The following ATP8A2 variants were observed in gnomAD, a reference collection of about 807,000 sequenced individuals.
ATP8A2 encodes the protein ATPase phospholipid transporting 8A2.
ATP8A2 carries 100 observed loss-of-function variants against 165.6 expected under a neutral mutation model. The observed-to-expected ratio is 0.60, with a 90% CI of 0.51 to 0.71. The LOEUF (loss-of-function observed/expected upper bound fraction) is 0.71, where lower values mean the gene tolerates loss of function less well. Among genes scored for constraint, ATP8A2 ranks in the 30% least tolerant of loss-of-function variants. The pLI, the probability that ATP8A2 is intolerant of heterozygous loss-of-function variation, is 0.00. For synonymous variants in ATP8A2, 543 were observed against 548.8 expected (o/e 0.99, Z 0.15); for missense variants, 1,227 against 1,479.5 (o/e 0.83, Z 2.80).
At chr13:25,505,216 G>A (rs1408358647) in intron 2 of ATP8A2, among the ~76,000 whole-genome samples, 4 of 149,738 alleles carry the variant, frequency 2.7e-5, no homozygotes, top group African/African-American at 9.9e-5. Flanking sequence ...GGGGGGTGGT[G>A]GTCACAACTC....
At position 25,434,112 on chromosome 13, in the gene ATP8A2, A is replaced by G. The variant is rs142176450; in HGVS notation, c.77-34865A>G. On this transcript the variant is annotated intron_variant, in intron 1 of 36. Coordinates refer to ENST00000381655, the MANE Select transcript of ATP8A2 (RefSeq NM_016529.6). ...GACAAGCACATGTACCCCCGAATGT[A>G]AAAAAGAAGAAATCTCGCGCTTGTT... 3.3e-5 allele frequency among the ~76,000 whole-genome samples: 5 copies of G among 152,276 alleles called. No homozygotes were observed. The East Asian group carries it at 7.7e-4, about 24-fold the overall frequency.
rs1468874241 is a variant in ATP8A2, at chr13:25,592,719, C to CT, written c.2211+3022dup. ...CTCAGAAATGAGCCTCTGTTTTCCC[C>CT]TTATATCAGATGTTTTCTGGAGTCC... On this transcript the variant is annotated intron_variant, in intron 24 of 36. Transcript: ENST00000381655. Among the ~76,000 whole-genome samples, 11 of 152,182 alleles carry CT rather than the reference C, an allele frequency of 7.2e-5. No homozygotes were observed. In the East Asian group the frequency reaches 2.1e-3, roughly 29 times the overall value.
At chr13:25,562,574 C>G (rs1164060442) in intron 15 of ATP8A2, among the ~76,000 whole-genome samples, 1 of 152,308 alleles carries the variant, frequency 6.6e-6, no homozygotes, top group African/African-American at 2.4e-5. Context: ...GTTCAGCTTT[C>G]TTTTCATAAA....
At chr13:25,474,410 A>C (rs2035934837) in intron 2 of ATP8A2, among the ~76,000 whole-genome samples, 1 of 151,976 alleles carries the variant, frequency 6.6e-6, no homozygotes, top group Admixed American at 6.6e-5. Context: ...AAATACAAAA[A>C]AATTAGCTGG....
intron 35 of ATP8A2, among the ~76,000 whole-genome samples, chr13:26,004,912 A>G (rs569633343): frequency 6.7e-6 from 1 of 148,204 alleles, no homozygotes; most frequent in African/African-American, 2.5e-5. Flanking sequence ...GGATTTTTGT[A>G]TATATAGTCA....
intron 24 of ATP8A2, among the ~76,000 whole-genome samples, chr13:25,653,609 GTTAAA>G (rs1237526879): frequency 2.0e-5 from 3 of 152,160 alleles, no homozygotes; most frequent in Non-Finnish European, 4.4e-5. Context: ...TAAAATAAAA[GTTAAA>G]TTAAAAACAA....
intron 10 of ATP8A2, among the ~76,000 whole-genome samples, chr13:25,550,905 G>C (rs1044400548): frequency 2.0e-5 from 3 of 152,128 alleles, no homozygotes; most frequent in Non-Finnish European, 4.4e-5. Flanking sequence ...AAATATCTCT[G>C]TGTATTTATT....
At chr13:25,936,446 A>G (rs1312836241) in intron 33 of ATP8A2, among the ~76,000 whole-genome samples, 2 of 152,224 alleles carry the variant, frequency 1.3e-5, no homozygotes, top group Admixed American at 6.5e-5. Flanking sequence ...ATAAGCCTCA[A>G]TGGGCCTGCG....
At chr13:25,636,405 C>T (rs750257729) in intron 24 of ATP8A2, among the ~76,000 whole-genome samples, 2 of 152,120 alleles carry the variant, frequency 1.3e-5, no homozygotes, top group Non-Finnish European at 2.9e-5. Context: ...GGGGTATCCT[C>T]GGGATAGAAT....
At chr13:25,839,467 A>C in intron 29 of ATP8A2, 79 bp from the exon 30 acceptor site, 2 of 964,234 alleles carry the variant, frequency 2.1e-6, no homozygotes, top group Non-Finnish European at 3.4e-6. Flanking sequence ...GATCCTTCAC[A>C]ATGTGGCGTT....
intron 1 of ATP8A2, among the ~76,000 whole-genome samples, chr13:25,429,371 TA>T (rs751056483): frequency 0.026 from 3,296 of 125,542 alleles, 150 homozygotes; most frequent in African/African-American, 0.089. Flanking sequence ...GACTCCATCT[TA>T]AAAAAAAAAA....
At chr13:25,888,707 A>G (rs908381576) in intron 33 of ATP8A2, among the ~76,000 whole-genome samples, 18 of 152,230 alleles carry the variant, frequency 1.2e-4, no homozygotes, top group Admixed American at 2.6e-4. Flanking sequence ...TAAAAATTCA[A>G]AATTAGCCAA....
At chr13:25,620,786 G>A (rs760319790) in intron 24 of ATP8A2, among the ~76,000 whole-genome samples, 3 of 152,162 alleles carry the variant, frequency 2.0e-5, no homozygotes, top group Non-Finnish European at 2.9e-5. Flanking sequence ...TGAACAAAAT[G>A]TTAGAAATAG....
intron 30 of ATP8A2, among the ~76,000 whole-genome samples, chr13:25,847,791 G>A (rs891076541): frequency 4.6e-5 from 7 of 152,130 alleles, no homozygotes; most frequent in Non-Finnish European, 1.0e-4. Flanking sequence ...GCTAATTCCT[G>A]AAGTTAGCAA....
chr13:25,599,086 G>T (rs2040312869), intron 24 of ATP8A2, among the ~76,000 whole-genome samples: 1 of 151,634 alleles, frequency 6.6e-6, no homozygotes, highest in Non-Finnish European at 1.5e-5. Context: ...ATATATATGA[G>T]AAAAAATATA....
intron 30 of ATP8A2, among the ~76,000 whole-genome samples, chr13:25,850,194 C>T (rs1007435403): frequency 6.6e-6 from 1 of 152,208 alleles, no homozygotes; most frequent in Non-Finnish European, 1.5e-5. Context: ...GCCTTCTTAG[C>T]TTTCTCCTTG....
chr13:25,772,962 G>T (rs187231107), intron 26 of ATP8A2, among the ~76,000 whole-genome samples: 5 of 152,110 alleles, frequency 3.3e-5, no homozygotes, highest in Non-Finnish European at 7.4e-5. Flanking sequence ...GTTTCACCAC[G>T]TTGGCCAGAC....
chr13:25,879,916 T>G (rs756064512), intron 33 of ATP8A2, among the ~76,000 whole-genome samples: 3 of 152,196 alleles, frequency 2.0e-5, no homozygotes, highest in Non-Finnish European at 4.4e-5. Context: ...TTGATTAAGT[T>G]TAAGAAATTA....
At chr13:25,444,288 C>A (rs2035012560) in intron 1 of ATP8A2, among the ~76,000 whole-genome samples, 1 of 152,286 alleles carries the variant, frequency 6.6e-6, no homozygotes, top group African/African-American at 2.4e-5. Flanking sequence ...ACCTGTTTAT[C>A]CATTTCCCTG....
Sources: gnomAD v4.1 joint callset for allele counts (sites outside exome capture counted in the v4.1 genomes callset) on GRCh38, gnomAD v4.1.1 for gene constraint, MANE v1.5 for transcripts, NCBI Gene and HGNC (gene_info 2026-07-23, HGNC 2026-07-21) for gene names.